The following EXOC6 variants were observed in gnomAD, a reference collection of about 807,000 sequenced individuals.
EXOC6 encodes exocyst complex component 6.
Under a neutral mutation model 112.5 loss-of-function variants are expected in EXOC6, and 60 were observed. The ratio of observed to expected loss-of-function variants is 0.53; its 90% CI spans 0.43 to 0.66. EXOC6 has a LOEUF of 0.66. Among genes scored for constraint, EXOC6 ranks in the 30% least tolerant of loss-of-function variants. The pLI is 0.00. For synonymous variants in EXOC6, 295 were observed against 308.0 expected (o/e 0.96, Z 0.44); for missense variants, 855 against 957.1 (o/e 0.89, Z 1.41).
intron 19 of EXOC6, among the ~76,000 whole-genome samples, chr10:93,012,071 C>G (rs1844275419): frequency 6.6e-6 from 1 of 152,156 alleles, no homozygotes; most frequent in Non-Finnish European, 1.5e-5. Context: ...TGGTGCATCT[C>G]TGAGTAACCA....
chr10:92,956,283 T>C (rs1853691174), intron 17 of EXOC6, among the ~76,000 whole-genome samples: 1 of 152,100 alleles, frequency 6.6e-6, no homozygotes, highest in South Asian at 2.1e-4. Flanking sequence ...GATGAGACAC[T>C]GGCTTAGTCT....
chr10:93,039,414 T>A (rs2134324548), intron 20 of EXOC6, among the ~76,000 whole-genome samples: 1 of 152,304 alleles, frequency 6.6e-6, no homozygotes. Flanking sequence ...ATCCTAAGAC[T>A]TGAGGATTGG....
chr10:92,889,767 A>G (rs1477180638), intron 1 of EXOC6, among the ~76,000 whole-genome samples: 1 of 148,946 alleles, frequency 6.7e-6, no homozygotes, highest in Non-Finnish European at 1.5e-5. Flanking sequence ...TTTCTTTTTC[A>G]GAGTGGGGGT....
intron 18 of EXOC6, among the ~76,000 whole-genome samples, chr10:92,979,079 C>G (rs1405725139): frequency 6.6e-6 from 1 of 152,204 alleles, no homozygotes; most frequent in African/African-American, 2.4e-5. Context: ...CTGATTGAAC[C>G]TTTTAAGCTT....
intron 20 of EXOC6, among the ~76,000 whole-genome samples, chr10:93,028,388 G>A (rs145241556): frequency 6.6e-6 from 1 of 152,310 alleles, no homozygotes; most frequent in African/African-American, 2.4e-5. Context: ...CGTGGAAATA[G>A]CAAGGAAACT....
chr10:92,987,074 AT>A (rs1048355625), intron 18 of EXOC6, among the ~76,000 whole-genome samples: 13 of 152,166 alleles, frequency 8.5e-5, no homozygotes, highest in Non-Finnish European at 4.4e-5. Context: ...CTTCAGAATA[AT>A]ATATTCTCTA....
chr10:92,960,666 G>A (rs1853939050), intron 17 of EXOC6, among the ~76,000 whole-genome samples: 1 of 150,022 alleles, frequency 6.7e-6, no homozygotes, highest in South Asian at 2.1e-4. Flanking sequence ...CACCGTAGAA[G>A]CCTTCCTCAT....
chr10:92,844,142 T>A (rs1179915631), upstream of EXOC6, among the ~76,000 whole-genome samples: 1 of 135,264 alleles, frequency 7.4e-6, no homozygotes, highest in Non-Finnish European at 1.6e-5. Context: ...AGAGCAAGAC[T>A]GTGTCTCAGA....
rs1849602461 is a variant in EXOC6, at chr10:92,893,446, A to G, written c.199A>G (p.Asn67Asp). The G allele has an allele frequency of 1.2e-6, 2 of 1,612,956 alleles. No homozygotes were observed. Among genetic ancestry groups the G allele is most frequent in the Non-Finnish European group, 1.7e-6 (2 of 1,179,338 alleles). Residue 67 changes from asparagine (N) to aspartate (D), a missense_variant, in exon 2 of 22, where the codon AAT becomes GAT. By Grantham distance (23) the Asn-to-Asp change is conservative. Around this residue, in one of 2 missense-constraint regions of EXOC6, gnomAD observed 405 missense variants for 393.6 expected, o/e 1.03. Coordinates refer to ENST00000260762, the MANE Select transcript of EXOC6 (RefSeq NM_019053.6). ...TGACAAGGAAATTGAAAAGATGTGT[A>G]ATTTTCATCATCAGGGTTTTGTAGA... ...NHDKEIEKMCNFHHQGFVDAI... is the reference protein window; with the variant it reads ...NHDKEIEKMCDFHHQGFVDAI...
rs1393523763 is a variant in EXOC6, at chr10:92,934,165, A to G, written c.994A>G (p.Arg332Gly). 6.5e-7 allele frequency: 1 copy of G among 1,545,064 alleles called. No individual in the cohort carries two copies. Among genetic ancestry groups the G allele is most frequent in the African/African-American group, 1.4e-5 (1 of 73,210 alleles). The change falls in exon 10 of 22, where the codon AGA (arginine) becomes GGA (glycine). Residue 332 changes from arginine (R) to glycine (G), a missense_variant. Arg to Gly is a moderately radical substitution (Grantham distance 125). Transcript: ENST00000260762. ...SNMHETVDGY[R>G]RYFTQIVGFF... ...TAAGCATGAAACAGTTGATGGCTAT[A>G]GAAGATATTTCACTCAAATTGTAGG...
intron 2 of EXOC6, among the ~76,000 whole-genome samples, chr10:92,893,750 A>G (rs1849618751): frequency 6.6e-6 from 1 of 152,200 alleles, no homozygotes; most frequent in Non-Finnish European, 1.5e-5. Context: ...ATTTCTTTCC[A>G]TGCAGGGAAG....
At chr10:92,925,062 A>G (rs1014807303) in intron 8 of EXOC6, among the ~76,000 whole-genome samples, 5 of 152,164 alleles carry the variant, frequency 3.3e-5, no homozygotes, top group African/African-American at 1.2e-4. Flanking sequence ...CAAAAGTTGA[A>G]CAGGTTTTAT....
intron 13 of EXOC6, among the ~76,000 whole-genome samples, chr10:92,944,114 G>T (rs1449137778): frequency 6.6e-6 from 1 of 152,054 alleles, no homozygotes; most frequent in Non-Finnish European, 1.5e-5. Flanking sequence ...GTATTCCATT[G>T]TGTATATGCA....
intron 1 of EXOC6, among the ~76,000 whole-genome samples, chr10:92,868,195 G>A (rs941864236): frequency 6.6e-6 from 1 of 152,084 alleles, no homozygotes; most frequent in Non-Finnish European, 1.5e-5. Context: ...TTTGGTACTT[G>A]TATGGTGTTT....
intron 20 of EXOC6, among the ~76,000 whole-genome samples, chr10:93,051,957 T>C (rs772638508): frequency 6.6e-6 from 1 of 152,192 alleles, no homozygotes; most frequent in African/African-American, 2.4e-5. Context: ...AAAAGGGAAC[T>C]TGGGGGACTG....
chr10:92,880,936 A>G (rs1848932344), intron 1 of EXOC6, among the ~76,000 whole-genome samples: 1 of 152,212 alleles, frequency 6.6e-6, no homozygotes, highest in South Asian at 2.1e-4. Flanking sequence ...TTTCCAAGTA[A>G]CTTGTATTCT....
intron 1 of EXOC6, among the ~76,000 whole-genome samples, chr10:92,827,525 T>C (rs555215890): frequency 5.2e-5 from 6 of 115,744 alleles, no homozygotes; most frequent in Non-Finnish European, 1.0e-4. Context: ...TTGAGTATAA[T>C]GGAGAGGAAG....
At chr10:93,042,783 A>G (rs560475523) in intron 20 of EXOC6, among the ~76,000 whole-genome samples, 2 of 152,286 alleles carry the variant, frequency 1.3e-5, no homozygotes, top group East Asian at 3.9e-4. Context: ...GTATTTTCTT[A>G]TTTAAGTGAA....
chr10:92,840,220 G>C (rs770831997), intron 1 of EXOC6, among the ~76,000 whole-genome samples: 10 of 151,422 alleles, frequency 6.6e-5, no homozygotes, highest in Non-Finnish European at 1.3e-4. Flanking sequence ...GGATGTTCTA[G>C]AATGTTCTTG....
Sources: allele counts gnomAD v4.1 joint callset (sites outside exome capture counted in the v4.1 genomes callset), GRCh38; gene constraint gnomAD v4.1.1; regional missense constraint gnomAD v4.1.1; transcripts MANE v1.5; gene names NCBI Gene and HGNC (gene_info 2026-07-23, HGNC 2026-07-21).